Variants in VTI1A observed in about 807,000 individuals in gnomAD.
VTI1A encodes vesicle transport through interaction with t-SNAREs homolog 1A.
VTI1A carries 22 observed loss-of-function variants against 34.9 expected under a neutral mutation model. That is an observed-to-expected ratio of 0.63 (90% CI 0.45 to 0.90). VTI1A has a LOEUF of 0.90. Among genes scored for constraint, VTI1A ranks in the 40% least tolerant of loss-of-function variants. The pLI, the probability that VTI1A is intolerant of heterozygous loss-of-function variation, is 0.00. For missense variants in VTI1A, 268 were observed against 275.6 expected (o/e 0.97, Z 0.20); for synonymous variants, 87 against 97.3 (o/e 0.89, Z 0.62).
At chr10:112,708,109 A>C (rs189886973) in intron 7 of VTI1A, among the ~76,000 whole-genome samples, 1 of 152,350 alleles carries the variant, frequency 6.6e-6, no homozygotes, top group East Asian at 1.9e-4. Flanking sequence ...GCTAAACACA[A>C]GGACTCATTG....
At chr10:112,513,033 T>C (rs1490200716) in intron 3 of VTI1A, among the ~76,000 whole-genome samples, 2 of 152,118 alleles carry the variant, frequency 1.3e-5, no homozygotes, top group Admixed American at 6.5e-5. Flanking sequence ...TCATTTTTGG[T>C]TCCATATAAT....
chr10:112,760,599 A>G (rs577591996), intron 7 of VTI1A, among the ~76,000 whole-genome samples: 6 of 152,322 alleles, frequency 3.9e-5, no homozygotes, highest in Middle Eastern at 3.4e-3. Context: ...TTTTATTATA[A>G]GAAAAACCAG....
chr10:112,547,177 G>T (rs1357202802), intron 5 of VTI1A, among the ~76,000 whole-genome samples: 1 of 152,082 alleles, frequency 6.6e-6, no homozygotes, highest in Non-Finnish European at 1.5e-5. Flanking sequence ...CTACTTGGGA[G>T]GCTGAGGTGG....
the VTI1A span, among the ~76,000 whole-genome samples, chr10:112,834,975 C>G: frequency 5.9e-5 from 9 of 152,264 alleles, no homozygotes; most frequent in East Asian, 1.7e-3. Flanking sequence ...CTGTTCTGTC[C>G]CTTAGCTAGA....
chr10:112,657,904 A>T (rs1410264402), intron 5 of VTI1A, among the ~76,000 whole-genome samples: 1 of 151,984 alleles, frequency 6.6e-6, no homozygotes, highest in Non-Finnish European at 1.5e-5. Context: ...ATTGTAATGC[A>T]TGTTTGTTTT....
chr10:112,482,995 T>G (rs2290966), intron 3 of VTI1A, among the ~76,000 whole-genome samples: 101,856 of 151,808 alleles, frequency 0.67, 35,058 homozygotes, highest in Non-Finnish European at 0.71. Context: ...GCAGGGGAAA[T>G]AAAAAGAGAG....
intron 3 of VTI1A, among the ~76,000 whole-genome samples, chr10:112,479,912 T>G (rs972838966): frequency 6.6e-6 from 1 of 151,546 alleles, no homozygotes; most frequent in East Asian, 1.9e-4. Context: ...TTAATCTGTC[T>G]ATTGTCAGTT....
chr10:112,525,948 A>T (rs1188522728), intron 3 of VTI1A, among the ~76,000 whole-genome samples: 2 of 152,196 alleles, frequency 1.3e-5, no homozygotes, highest in Non-Finnish European at 2.9e-5. Flanking sequence ...GTCCTTTTAA[A>T]CTACAATACT....
intron 7 of VTI1A, among the ~76,000 whole-genome samples, chr10:112,810,807 G>A (rs949404349): frequency 1.3e-5 from 2 of 152,172 alleles, no homozygotes; most frequent in African/African-American, 2.4e-5. Context: ...GGCCTGGTGA[G>A]GCCTCACGCA....
intron 3 of VTI1A, among the ~76,000 whole-genome samples, chr10:112,475,985 A>G (rs552166487): frequency 4.6e-5 from 7 of 152,350 alleles, no homozygotes; most frequent in Admixed American, 1.3e-4. Context: ...AAGAGATCCA[A>G]TGGTCCCTGT....
chr10:112,515,951 G>C (rs1384550382), intron 3 of VTI1A, among the ~76,000 whole-genome samples: 1 of 152,088 alleles, frequency 6.6e-6, no homozygotes. Context: ...CCTGTCACTA[G>C]AGGATAGGAT....
intron 5 of VTI1A, among the ~76,000 whole-genome samples, chr10:112,597,377 C>A (rs539628986): frequency 3.0e-4 from 46 of 152,210 alleles, no homozygotes; most frequent in South Asian, 1.2e-3. Context: ...GTCACCACCC[C>A]CTGGCTAATT....
At chr10:112,536,204 T>C (rs1589873714) in intron 4 of VTI1A, among the ~76,000 whole-genome samples, 1 of 150,980 alleles carries the variant, frequency 6.6e-6, no homozygotes, top group African/African-American at 2.4e-5. Flanking sequence ...TTTTGGGATT[T>C]CATCCAATAT....
At chr10:112,570,596 A>C (rs1037152702) in intron 5 of VTI1A, among the ~76,000 whole-genome samples, 1 of 152,258 alleles carries the variant, frequency 6.6e-6, no homozygotes, top group Non-Finnish European at 1.5e-5. Flanking sequence ...AGGAAAATAT[A>C]ATATTTAAAT....
At chr10:112,734,654 CTTTT>C (rs34618895) in intron 7 of VTI1A, among the ~76,000 whole-genome samples, 14 of 138,582 alleles carry the variant, frequency 1.0e-4, no homozygotes, top group Admixed American at 1.4e-4. Context: ...CAATAAATTT[CTTTT>C]TTTTTTTTTT....
chr10:112,795,580 A>G (rs1247596367), intron 7 of VTI1A, among the ~76,000 whole-genome samples: 2 of 151,886 alleles, frequency 1.3e-5, no homozygotes, highest in African/African-American at 2.4e-5. Context: ...GACTACAGAC[A>G]TGTGCCAGCG....
chr10:112,567,530 T>C (rs1851949182), intron 5 of VTI1A, among the ~76,000 whole-genome samples: 1 of 152,216 alleles, frequency 6.6e-6, no homozygotes, highest in Non-Finnish European at 1.5e-5. Flanking sequence ...AGTTATAACA[T>C]TAGGCTAACA....
At chr10:112,687,219 CTTTTTTT>C (rs71303594) in intron 7 of VTI1A, among the ~76,000 whole-genome samples, 4 of 84,606 alleles carry the variant, frequency 4.7e-5, no homozygotes, top group East Asian at 3.6e-4. Context: ...CATACTACAA[CTTTTTTT>C]TTTTTTTTTT....
At chr10:112,830,239 G>A in the VTI1A span, among the ~76,000 whole-genome samples, 1 of 152,146 alleles carries the variant, frequency 6.6e-6, no homozygotes, top group East Asian at 1.9e-4. Context: ...TTTCGCATCA[G>A]AATTCCTTCC....
Sources: allele counts gnomAD v4.1 joint callset (sites outside exome capture counted in the v4.1 genomes callset), GRCh38; gene constraint gnomAD v4.1.1; transcripts MANE v1.5; gene names NCBI Gene and HGNC (gene_info 2026-07-23, HGNC 2026-07-21).